Variants in ATXN7 observed in about 807,000 individuals in gnomAD.
ATXN7 encodes the protein ataxin-7.
Under a neutral mutation model 70.5 loss-of-function variants are expected in ATXN7, and 12 were observed. That is an observed-to-expected ratio of 0.17 (90% CI 0.11 to 0.28). The LOEUF (loss-of-function observed/expected upper bound fraction) is 0.28, where lower values mean the gene tolerates loss of function less well. Ranked by LOEUF, ATXN7 falls within the 10% of genes least tolerant of loss-of-function variation. The pLI, the probability that ATXN7 is intolerant of heterozygous loss-of-function variation, is 1.00. For synonymous variants in ATXN7, 498 were observed against 448.7 expected, an observed-to-expected ratio of 1.11 and a Z score of -1.39; for missense variants, 1,256 against 1,131.7, an observed-to-expected ratio of 1.11 and a Z score of -1.58.
At chr3:63,952,299 C>G in intron 4 of ATXN7, 80 bp from the exon 5 acceptor site, 1 of 1,041,588 alleles carries the variant, frequency 9.6e-7, no homozygotes, top group Non-Finnish European at 1.4e-6. Flanking sequence ...AAGGCAACTC[C>G]TTTAGAAAGT....
At chr3:63,969,018 CT>C (rs2075270936) in intron 5 of ATXN7, among the ~76,000 whole-genome samples, 1 of 152,216 alleles carries the variant, frequency 6.6e-6, no homozygotes, top group South Asian at 2.1e-4. Flanking sequence ...TTTAGGTTCA[CT>C]GTTTCTGCTT....
At chr3:63,927,955 G>A (rs1254266518) in intron 4 of ATXN7, among the ~76,000 whole-genome samples, 2 of 152,210 alleles carry the variant, frequency 1.3e-5, no homozygotes, top group African/African-American at 4.8e-5. Context: ...GCTGGTGGCT[G>A]TTGCTGAAAA....
At chr3:63,895,708 T>C (rs142900222) in intron 1 of ATXN7, among the ~76,000 whole-genome samples, 1 of 151,930 alleles carries the variant, frequency 6.6e-6, no homozygotes, top group Non-Finnish European at 1.5e-5. Context: ...TTTCTTTCTT[T>C]CTTCCTTCCT....
chr3:63,946,315 TTCTA>T (rs2074861222), intron 4 of ATXN7, among the ~76,000 whole-genome samples: 1 of 151,994 alleles, frequency 6.6e-6, no homozygotes, highest in Non-Finnish European at 1.5e-5. Context: ...GAGAAGAGCT[TTCTA>T]TGCTGTAGGA....
chr3:63,987,526 C>G (rs1345436123), intron 8 of ATXN7, among the ~76,000 whole-genome samples: 2 of 152,146 alleles, frequency 1.3e-5, no homozygotes, highest in African/African-American at 2.4e-5. Flanking sequence ...GGGCCACTTT[C>G]TATTTTTGCA....
intron 4 of ATXN7, among the ~76,000 whole-genome samples, chr3:63,926,714 T>G (rs1704730706): frequency 6.6e-6 from 1 of 152,150 alleles, no homozygotes; most frequent in African/African-American, 2.4e-5. Context: ...CTGCTTCTCC[T>G]GCTGCCCCAC....
intron 1 of ATXN7, among the ~76,000 whole-genome samples, chr3:63,890,627 A>G (rs930901024): frequency 1.3e-5 from 2 of 152,250 alleles, no homozygotes; most frequent in African/African-American, 4.8e-5. Context: ...AAAAGACTTA[A>G]TATAATGCCT....
chr3:63,864,223 C>T lies in ATXN7; in HGVS notation c.-111+65C>T, dbSNP rs187998953. Among the ~76,000 whole-genome samples, 30 of 149,412 alleles carry T rather than the reference C, an allele frequency of 2.0e-4. No individual in the cohort carries two copies. The East Asian group carries it at 5.9e-3, about 30-fold the overall frequency. The stretch of plus-strand genomic sequence containing the variant: ...GCGGGAGCTGCGGGCCGCCCGCAGT[C>T]GGGGTCCCGGCTTCTTCCCCGGGAA... On this transcript the variant is annotated intron_variant, in intron 1 of 12. Transcript: ENST00000674280.
chr3:63,997,164 A>G (rs2106809062), intron 12 of ATXN7, among the ~76,000 whole-genome samples: 1 of 152,324 alleles, frequency 6.6e-6, no homozygotes, highest in South Asian at 2.1e-4. Flanking sequence ...AGGTGGAGGC[A>G]GGAGAACTGC....
rs1263400762 is a variant in ATXN7, at chr3:63,912,667, A to G, written c.69A>G (p.Ala23=). ...GCGCGGCGGCGGCGGCGGGCGGAGC[A>G]GCGGCCGCGGCCGCCCGGCAGCAGC... ...PRRAAAAAGG[A]AAAAARQQQQ... is the part of the protein sequence containing the mutation. The change falls in exon 3 of 13, where the codon GCA becomes GCG. Residue 23 remains alanine, a synonymous_variant. Coordinates refer to ENST00000674280, the MANE Select transcript of ATXN7 (RefSeq NM_001377405.1). 6.1e-5 allele frequency: 64 copies of G among 1,050,678 alleles called. No homozygotes were observed. Among genetic ancestry groups the G allele is most frequent in the Non-Finnish European group, 6.8e-5 (59 of 870,658 alleles). The allele number at this position is 1,050,678 out of a possible 1,614,324, so 65.1% of individuals were successfully genotyped here. A position where few individuals can be genotyped will look rare whatever the true frequency, so the allele number is the denominator to read the frequency against.
chr3:63,892,461 G>A (rs988216193), intron 1 of ATXN7, among the ~76,000 whole-genome samples: 4 of 109,134 alleles, frequency 3.7e-5, no homozygotes, highest in South Asian at 2.9e-4. Flanking sequence ...GCCTCTTATC[G>A]CTCCTTCACA....
intron 2 of ATXN7, among the ~76,000 whole-genome samples, chr3:63,903,084 C>T (rs959827911): frequency 2.6e-5 from 4 of 151,776 alleles, no homozygotes; most frequent in African/African-American, 9.7e-5. Context: ...ATCATCATCA[C>T]CACTTTTTCA....
rs1247385529 is a variant in ATXN7 at position 64,003,272 on chromosome 3, AATAGTTTGATAATTTGTACAC to A, written c.*3809_*3829del. Reference sequence around the variant, plus strand: ...CAATCTCCTGTGTTAAAAACGTGTGAATAGTTTGATAATTTGTACACATAATCAAGAGCATCTCAGCTGGAC... The same window carrying A: ...CAATCTCCTGTGTTAAAAACGTGTGAATAATCAAGAGCATCTCAGCTGGAC... On this transcript the variant is annotated 3_prime_UTR_variant, in exon 13 of 13. Coordinates refer to ENST00000674280, the MANE Select transcript of ATXN7 (RefSeq NM_001377405.1). 1 of 140,236 alleles carries A rather than the reference AATAGTTTGATAATTTGTACAC, an allele frequency of 7.1e-6. No individual in the cohort carries two copies. Among genetic ancestry groups the A allele is most frequent in the Non-Finnish European group, 1.5e-5 (1 of 66,444 alleles). The allele number at this position is 140,236 out of a possible 1,614,324, so 8.7% of individuals were successfully genotyped here.
chr3:63,944,356 TTTTA>T (rs1321711326), intron 4 of ATXN7, among the ~76,000 whole-genome samples: 1 of 152,200 alleles, frequency 6.6e-6, no homozygotes, highest in African/African-American at 2.4e-5. Flanking sequence ...ATGCCAGCAT[TTTTA>T]TTCTTGTGCT....
intron 5 of ATXN7, among the ~76,000 whole-genome samples, chr3:63,954,113 C>A (rs1178617103): frequency 3.9e-5 from 6 of 151,988 alleles, no homozygotes; most frequent in Admixed American, 3.9e-4. Context: ...TAGGAGAAGC[C>A]CTAGGGTAGG....
chr3:63,976,616 A>G (rs566294508), intron 5 of ATXN7, among the ~76,000 whole-genome samples: 5 of 152,354 alleles, frequency 3.3e-5, no homozygotes, highest in African/African-American at 1.2e-4. Flanking sequence ...AAGAGTTAAT[A>G]GGCAAGAAAA....
chr3:63,976,588 CTAGTGG>C (rs2075391988), intron 5 of ATXN7, among the ~76,000 whole-genome samples: 1 of 152,102 alleles, frequency 6.6e-6, no homozygotes, highest in East Asian at 1.9e-4. Context: ...CTTGATTTTT[CTAGTGG>C]AATTCCATAT....
intron 8 of ATXN7, 127 bp downstream of exon 8, chr3:63,983,148 G>T: frequency 1.3e-6 from 1 of 757,840 alleles, no homozygotes; most frequent in Non-Finnish European, 2.2e-6. Context: ...AATTGTGTAG[G>T]TGAAGGAATA....
intron 6 of ATXN7, among the ~76,000 whole-genome samples, chr3:63,981,052 C>G (rs2075478082): frequency 1.3e-5 from 2 of 152,196 alleles, no homozygotes; most frequent in Admixed American, 6.5e-5. Context: ...GATGGCTTTT[C>G]TTGGGCCAGC....
Sources: gnomAD v4.1 joint callset for allele counts (sites outside exome capture counted in the v4.1 genomes callset) on GRCh38, gnomAD v4.1.1 for gene constraint, MANE v1.5 for transcripts, NCBI Gene and HGNC (gene_info 2026-07-23, HGNC 2026-07-21) for gene names.